MTARC1: variants seen among roughly 807,000 people sequenced by gnomAD.
MTARC1 encodes mitochondrial amidoxime reducing component 1.
MTARC1 carries 24 observed loss-of-function variants against 33.6 expected under a neutral mutation model. That is an observed-to-expected ratio of 0.72 (90% CI 0.52 to 1.01). The LOEUF (loss-of-function observed/expected upper bound fraction) is 1.01. Among genes scored for constraint, MTARC1 ranks in the 50% least tolerant of loss-of-function variants. The probability of loss-of-function intolerance (pLI) is 0.00; values close to 1 mark genes in which losing one functional copy is unlikely to be tolerated. For missense variants in MTARC1, 417 were observed against 445.7 expected (o/e 0.94, Z 0.58); for synonymous variants, 187 against 189.5 (o/e 0.99, Z 0.11).
At chr1:220,801,909 C>T (rs920988405) in intron 4 of MTARC1, among the ~76,000 whole-genome samples, 10 of 152,134 alleles carry the variant, frequency 6.6e-5, no homozygotes, top group Non-Finnish European at 1.0e-4. Context: ...CCTTCATCAT[C>T]GGCACTCCCC....
chr1:220,805,818 GT>G (rs1265927545), intron 6 of MTARC1, among the ~76,000 whole-genome samples: 1 of 152,092 alleles, frequency 6.6e-6, no homozygotes, highest in African/African-American at 2.4e-5. Context: ...CTACTTTTAT[GT>G]TTACTTTAAA....
intron 6 of MTARC1, among the ~76,000 whole-genome samples, chr1:220,810,984 CAT>C (rs541562874): frequency 2.6e-5 from 4 of 152,286 alleles, no homozygotes; most frequent in Admixed American, 2.6e-4. Context: ...AAAAAGAGAA[CAT>C]GTGTAAAGTT....
At position 220,817,146 on chromosome 1, in the gene MTARC1, T is replaced by A. The variant is rs1345928365; in HGVS notation, c.*3728T>A. On this transcript the variant is annotated 3_prime_UTR_variant, in exon 7 of 7. Transcript: ENST00000366910. ...ACAGTGTCTCACTCTGTTGCCAGGC[T>A]GGAGTGCAGTGGTGAGATCTCAGCT... is the stretch of plus-strand genomic sequence containing the variant. 1 of 152,158 alleles carries A rather than the reference T, an allele frequency of 6.6e-6. No individual in the cohort carries two copies. The highest frequency in any genetic ancestry group is 1.5e-5 in the Non-Finnish European group (1 of 68,240). The allele number at this position is 152,158 out of a possible 1,614,324, so 9.4% of individuals were successfully genotyped here. A position where few individuals can be genotyped will look rare whatever the true frequency, so the allele number is the denominator to read the frequency against.
intron 4 of MTARC1, 193 bp downstream of exon 4, chr1:220,798,207 G>A: frequency 1.3e-6 from 2 of 1,516,006 alleles, no homozygotes; most frequent in Non-Finnish European, 1.8e-6. Context: ...AAATGTTGAT[G>A]GGTCAGAGAC....
At chr1:220,789,473 T>A (rs1672356894) in intron 1 of MTARC1, among the ~76,000 whole-genome samples, 2 of 152,308 alleles carry the variant, frequency 1.3e-5, no homozygotes, top group Non-Finnish European at 2.9e-5. Flanking sequence ...TCTCATAATG[T>A]TTTAAGAAAG....
intron 6 of MTARC1, among the ~76,000 whole-genome samples, chr1:220,806,709 C>T (rs976652376): frequency 6.6e-6 from 1 of 152,220 alleles, no homozygotes; most frequent in Non-Finnish European, 1.5e-5. Context: ...TGTCACCTCA[C>T]CCCTGAGCAT....
chr1:220,798,525 G>A (rs1035079858), intron 4 of MTARC1: 26 of 985,422 alleles, frequency 2.6e-5, no homozygotes, highest in Non-Finnish European at 2.9e-5. Context: ...ATGTTTGCGT[G>A]GTGACTTAGC....
chr1:220,800,875 C>T (rs1177174699), intron 4 of MTARC1, among the ~76,000 whole-genome samples: 2 of 139,422 alleles, frequency 1.4e-5, no homozygotes, highest in African/African-American at 2.9e-5. Context: ...CTACAGTTGA[C>T]AGATCTTGGT....
At chr1:220,810,418 A>C (rs1367195790) in intron 6 of MTARC1, among the ~76,000 whole-genome samples, 1 of 152,102 alleles carries the variant, frequency 6.6e-6, no homozygotes, top group Non-Finnish European at 1.5e-5. Flanking sequence ...GCCCGCAGCA[A>C]AACCAGGCAG....
Position 220,796,819 on chromosome 1 carries a change from C to A in MTARC1, c.612+14C>A, listed in dbSNP as rs753366799. ...CCCAAGGACCAGGTGAGAGGTTCTG[C>A]TGCCTCCATGGGTAGAAAGCAGTCA... On this transcript the variant is annotated intron_variant, in intron 3 of 6. Transcript: ENST00000366910. 2 of 1,593,408 alleles carry A rather than the reference C, an allele frequency of 1.3e-6. No individual in the cohort carries two copies. Among genetic ancestry groups the A allele is most frequent in the Admixed American group, 3.5e-5 (2 of 56,730 alleles).
rs939989109 is a variant in MTARC1 at position 220,812,105 on chromosome 1, G to C, written c.888-1187G>C. Reference sequence around the variant, plus strand: ...TGTGGTGTTTGATTTGGGCCTTGAGGCAGGTACAATTCTAAAGCATGGGGA... The same window carrying C: ...TGTGGTGTTTGATTTGGGCCTTGAGCCAGGTACAATTCTAAAGCATGGGGA... On this transcript the variant is annotated intron_variant, in intron 6 of 6. Transcript: ENST00000366910. Among the ~76,000 whole-genome samples the C allele has an allele frequency of 3.3e-5, 5 of 152,324 alleles. No homozygotes were observed. In the South Asian group the frequency reaches 6.2e-4, roughly 19 times the overall value.
chr1:220,787,132 T>C lies in MTARC1; in HGVS notation c.188T>C (p.Ile63Thr). ...GTGGGCACAGTGGCGCAGCTCTGGA[T>C]CTACCCTGTGAAATCCTGCAAGGGG... ...QQVGTVAQLW[I>T]YPVKSCKGVP... The change falls in exon 1 of 7, where the codon ATC becomes ACC. Residue 63 changes from isoleucine (I) to threonine (T), a missense_variant. Coordinates refer to ENST00000366910, the MANE Select transcript of MTARC1 (RefSeq NM_022746.4). 1 of 1,564,136 alleles carries C rather than the reference T, an allele frequency of 6.4e-7. No individual in the cohort carries two copies. The highest frequency in any genetic ancestry group is 1.2e-5 in the South Asian group (1 of 85,424).
intron 4 of MTARC1, among the ~76,000 whole-genome samples, chr1:220,803,788 A>C (rs1057110396): frequency 6.6e-6 from 1 of 151,342 alleles, no homozygotes; most frequent in African/African-American, 2.4e-5. Flanking sequence ...CTCCTTTTAT[A>C]CCCTTTTTAT....
Position 220,815,851 on chromosome 1 carries a change from A to G in MTARC1, c.*2433A>G, listed in dbSNP as rs1384251717. On this transcript the variant is annotated 3_prime_UTR_variant, in exon 7 of 7. Coordinates refer to ENST00000366910, the MANE Select transcript of MTARC1 (RefSeq NM_022746.4). ...GGGCATCTCCTCTGTGTGGCAACTT[A>G]TGCTGCAGCCACAGTGGGGAGTCAC... 1 of 152,240 alleles carries G rather than the reference A, an allele frequency of 6.6e-6. No homozygotes were observed. The highest frequency in any genetic ancestry group is 1.5e-5 in the Non-Finnish European group (1 of 68,050). 9.4% of individuals were successfully genotyped at this position (152,240 alleles called of 1,614,324 possible).
intron 6 of MTARC1, among the ~76,000 whole-genome samples, chr1:220,807,806 CA>C (rs1405555543): frequency 6.6e-6 from 1 of 152,042 alleles, no homozygotes; most frequent in Non-Finnish European, 1.5e-5. Flanking sequence ...CACTCACCAT[CA>C]GAACAAACCA....
At chr1:220,813,209 C>T (rs989057023) in intron 6 of MTARC1, 83 bp from the exon 7 acceptor site, 35 of 1,586,756 alleles carry the variant, frequency 2.2e-5, no homozygotes, top group Non-Finnish European at 2.9e-5. Flanking sequence ...CGTGCGGAGG[C>T]CCTGTGTGGG....
chr1:220,794,812 T>C (rs1402731411), intron 2 of MTARC1, among the ~76,000 whole-genome samples: 2 of 152,096 alleles, frequency 1.3e-5, no homozygotes, highest in Non-Finnish European at 2.9e-5. Context: ...TTCTCAGGAG[T>C]TAATTTAGAA....
chr1:220,791,571 G>A lies in MTARC1; in HGVS notation c.356G>A (p.Cys119Tyr). ...CGCCTGGTCCTGATTTCCCTGACCT[G>A]CGATGGTGACACCCTGACTCTCAGT... The part of the protein sequence containing the change: ...EPRLVLISLT[C>Y]DGDTLTLSAA... The change falls in exon 2 of 7, where the codon TGC becomes TAC. Residue 119 changes from cysteine (C) to tyrosine (Y), a missense_variant. Coordinates refer to ENST00000366910, the MANE Select transcript of MTARC1 (RefSeq NM_022746.4). 1 of 1,614,146 alleles carries A rather than the reference G, an allele frequency of 6.2e-7. No individual in the cohort carries two copies. Among genetic ancestry groups the A allele is most frequent in the Non-Finnish European group, 8.5e-7 (1 of 1,180,044 alleles).
chr1:220,787,875 G>T (rs985467570), intron 1 of MTARC1, among the ~76,000 whole-genome samples: 1 of 152,124 alleles, frequency 6.6e-6, no homozygotes, highest in African/African-American at 2.4e-5. Flanking sequence ...GGGCGTAGTG[G>T]CGCGCACCTG....
Sources: gnomAD v4.1 joint callset for allele counts (sites outside exome capture counted in the v4.1 genomes callset) on GRCh38, gnomAD v4.1.1 for gene constraint, MANE v1.5 for transcripts, NCBI Gene and HGNC (gene_info 2026-07-23, HGNC 2026-07-21) for gene names.